THSD4: variants seen among roughly 807,000 people sequenced by gnomAD.
THSD4 encodes the protein thrombospondin type 1 domain containing 4.
THSD4 carries 69 observed loss-of-function variants against 119.0 expected under a neutral mutation model. The ratio of observed to expected loss-of-function variants is 0.58; its 90% CI spans 0.48 to 0.71. The LOEUF (loss-of-function observed/expected upper bound fraction) is 0.71, where lower values mean the gene tolerates loss of function less well. Among genes scored for constraint, THSD4 ranks in the 30% least tolerant of loss-of-function variants. The pLI is 0.00. For missense variants in THSD4, 1,393 were observed against 1,391.1 expected, an observed-to-expected ratio of 1.00 and a Z score of -0.02; for synonymous variants, 524 against 540.4, an observed-to-expected ratio of 0.97 and a Z score of 0.42.
intron 7 of THSD4, among the ~76,000 whole-genome samples, chr15:71,430,925 T>C (rs2046936008): frequency 6.6e-6 from 1 of 152,196 alleles, no homozygotes; most frequent in African/African-American, 2.4e-5. Context: ...GATGAAAATA[T>C]GACATTCCAG....
intron 6 of THSD4, among the ~76,000 whole-genome samples, chr15:71,345,179 T>TA (rs1372878024): frequency 8.0e-6 from 1 of 125,526 alleles, no homozygotes; most frequent in Non-Finnish European, 1.6e-5. Flanking sequence ...TTTGTTCTGT[T>TA]TCAGTATGCA....
chr15:71,327,671 C>T (rs115768165), intron 6 of THSD4, among the ~76,000 whole-genome samples: 5,606 of 151,904 alleles, frequency 0.037, 343 homozygotes, highest in African/African-American at 0.13. Context: ...TTGTTTAAAG[C>T]ACAATGCTGA....
At chr15:71,345,556 C>G (rs948508588) in intron 6 of THSD4, among the ~76,000 whole-genome samples, 2 of 152,144 alleles carry the variant, frequency 1.3e-5, no homozygotes, top group African/African-American at 2.4e-5. Flanking sequence ...TTTAGCAGCT[C>G]AACAATGGCA....
intron 7 of THSD4, among the ~76,000 whole-genome samples, chr15:71,569,495 G>A (rs1434270725): frequency 1.3e-5 from 2 of 152,194 alleles, no homozygotes; most frequent in African/African-American, 4.8e-5. Context: ...GTTTACAAAT[G>A]TAGTGAATAG....
chr15:71,411,786 A>T lies in THSD4; in HGVS notation c.1115A>T (p.Gln372Leu). The T allele has an allele frequency of 6.2e-7, 1 of 1,614,138 alleles. No individual in the cohort carries two copies. The highest frequency in any genetic ancestry group is 8.5e-7 in the Non-Finnish European group (1 of 1,179,996). Reference sequence around the variant, plus strand: ...GTCATCGATGGCACCCCCTGTGACCAGAACGGCACGGCCATCTGTGTGTCT... The same window carrying T: ...GTCATCGATGGCACCCCCTGTGACCTGAACGGCACGGCCATCTGTGTGTCT... ...EKVIDGTPCD[Q>L]NGTAICVSGQ... Residue 372 changes from glutamine (Q) to leucine (L), a missense_variant, in exon 7 of 18, where the codon CAG becomes CTG. Gln to Leu is a moderately radical substitution (Grantham distance 113, BLOSUM62 -2). Transcript: ENST00000261862.
intron 6 of THSD4, among the ~76,000 whole-genome samples, chr15:71,292,295 A>C: frequency 6.6e-6 from 1 of 151,970 alleles, no homozygotes; most frequent in East Asian, 1.9e-4. Flanking sequence ...AGGGCCTTTG[A>C]ATATCCATTG....
At chr15:71,642,594 T>A (rs2050882051) in intron 7 of THSD4, among the ~76,000 whole-genome samples, 1 of 152,172 alleles carries the variant, frequency 6.6e-6, no homozygotes, top group Admixed American at 6.5e-5. Flanking sequence ...GTGTGGCACA[T>A]ATACACCATG....
chr15:71,110,674 CTT>C (rs1486746838), upstream of THSD4: 1 of 166,744 alleles, frequency 6.0e-6, no homozygotes, highest in Non-Finnish European at 1.3e-5. Context: ...TATCTGCTCT[CTT>C]TTGTGGACTC....
Position 71,771,083 on chromosome 15 carries a change from G to A in THSD4, c.2789G>A (p.Gly930Asp). The change falls in exon 17 of 18, where the codon GGT becomes GAT. Residue 930 changes from glycine (G) to aspartate (D), a missense_variant. Physicochemically the swap from Gly to Asp is moderately conservative, Grantham distance 94. Transcript: ENST00000261862. ...ATGCAGTGTTCCAAGAGCTGCCAGG[G>A]TGGCTTTCGGGTCCGGGAAGTGCGG... ...EWSMCSKSCQGGFRVREVRCL... is the reference protein window; with the variant it reads ...EWSMCSKSCQDGFRVREVRCL... 1 of 1,614,162 alleles carries A rather than the reference G, an allele frequency of 6.2e-7. No individual in the cohort carries two copies. Among genetic ancestry groups the A allele is most frequent in the Non-Finnish European group, 8.5e-7 (1 of 1,180,018 alleles).
At chr15:71,713,254 C>G (rs950301818) in intron 8 of THSD4, among the ~76,000 whole-genome samples, 2 of 152,190 alleles carry the variant, frequency 1.3e-5, no homozygotes, top group African/African-American at 4.8e-5. Flanking sequence ...ATTAAATTCC[C>G]CCTGTTCCAG....
intron 1 of THSD4, among the ~76,000 whole-genome samples, chr15:71,124,630 T>C (rs74021936): frequency 0.029 from 4,367 of 152,286 alleles, 220 homozygotes; most frequent in African/African-American, 0.1. Flanking sequence ...TTTAATACAA[T>C]TTTAAATTAT....
intron 5 of THSD4, among the ~76,000 whole-genome samples, chr15:71,244,794 CT>C (rs1403257187): frequency 6.6e-6 from 1 of 152,180 alleles, no homozygotes; most frequent in Non-Finnish European, 1.5e-5. Flanking sequence ...ATATCTGTTG[CT>C]GTTCTTTTAA....
At position 71,459,364 on chromosome 15, in the gene THSD4, GTCTCTCTGTCTCTCTGTCTCTCTCTC is replaced by G. The variant is rs2047390051; in HGVS notation, c.1152+47549_1152+47574del. 4.4e-5 allele frequency among the ~76,000 whole-genome samples: 4 copies of G among 91,572 alleles called. No individual in the cohort carries two copies. The South Asian group carries it at 1.8e-3, about 41-fold the overall frequency. 60.1% of individuals were successfully genotyped at this position (91,572 alleles called of 152,430 possible). ...TCTCTCTGTCTCTCTCTCTCTCTCT[GTCTCTCTGTCTCTCTGTCTCTCTCTC>G]TCTCTCTCTCTCTCTGTCTCTCTCT... On this transcript the variant is annotated intron_variant, in intron 7 of 17. Coordinates refer to ENST00000261862, the MANE Select transcript of THSD4 (RefSeq NM_024817.3).
At chr15:71,708,880 G>A (rs2052448288) in intron 8 of THSD4, among the ~76,000 whole-genome samples, 1 of 152,212 alleles carries the variant, frequency 6.6e-6, no homozygotes, top group Non-Finnish European at 1.5e-5. Context: ...AAAGACCCCT[G>A]TCCTGCTGTT....
chr15:71,338,999 C>T (rs2045526224), intron 6 of THSD4, among the ~76,000 whole-genome samples: 1 of 152,120 alleles, frequency 6.6e-6, no homozygotes, highest in East Asian at 1.9e-4. Context: ...GAGTTAAAAG[C>T]AGGCTCCTTG....
intron 10 of THSD4, among the ~76,000 whole-genome samples, chr15:71,734,145 GA>G (rs2053037194): frequency 6.6e-6 from 1 of 152,014 alleles, no homozygotes; most frequent in Non-Finnish European, 1.5e-5. Context: ...AGTAACCCTA[GA>G]ATTTGCCTCC....
chr15:71,584,611 A>G (rs2049628700), intron 7 of THSD4, among the ~76,000 whole-genome samples: 1 of 152,134 alleles, frequency 6.6e-6, no homozygotes, highest in South Asian at 2.1e-4. Context: ...CTTAAAGCTA[A>G]AATGAATCTC....
At chr15:71,553,092 T>C (rs958313806) in intron 7 of THSD4, among the ~76,000 whole-genome samples, 1 of 152,246 alleles carries the variant, frequency 6.6e-6, no homozygotes, top group African/African-American at 2.4e-5. Context: ...TCTGTCCTTC[T>C]AGAACCATTC....
intron 6 of THSD4, among the ~76,000 whole-genome samples, chr15:71,260,392 C>T (rs1567173201): frequency 6.6e-6 from 1 of 152,130 alleles, no homozygotes; most frequent in Non-Finnish European, 1.5e-5. Flanking sequence ...CATTAGTTAT[C>T]AGCCCATGAC....
Sources: allele counts gnomAD v4.1 joint callset (sites outside exome capture counted in the v4.1 genomes callset), GRCh38; gene constraint gnomAD v4.1.1; transcripts MANE v1.5; gene names NCBI Gene and HGNC (gene_info 2026-07-23, HGNC 2026-07-21).